Variants in NCAM2 observed in about 807,000 individuals in gnomAD.
The protein encoded by NCAM2 is N-CAM-2.
A neutral mutation model predicts 98.1 loss-of-function variants in NCAM2; 30 were observed. That is an observed-to-expected ratio of 0.31 (90% CI 0.23 to 0.41). The LOEUF (loss-of-function observed/expected upper bound fraction) is 0.41, where lower values mean the gene tolerates loss of function less well. Among genes scored for constraint, NCAM2 ranks in the 10% least tolerant of loss-of-function variants. The pLI, the probability that NCAM2 is intolerant of heterozygous loss-of-function variation, is 1.00. For synonymous variants in NCAM2, 368 were observed against 342.4 expected (o/e 1.07, Z -0.83); for missense variants, 867 against 1,005.8 (o/e 0.86, Z 1.87).
At chr21:21,300,769 T>C (rs943227752) in intron 5 of NCAM2, among the ~76,000 whole-genome samples, 1 of 52,686 alleles carries the variant, frequency 1.9e-5, no homozygotes. Flanking sequence ...GATATTTTAT[T>C]TCATAATTAT....
At chr21:21,423,795 G>A (rs2077160773) in intron 11 of NCAM2, among the ~76,000 whole-genome samples, 1 of 151,736 alleles carries the variant, frequency 6.6e-6, no homozygotes, top group South Asian at 2.1e-4. Flanking sequence ...TTTTTTTCAG[G>A]ATTGATTTAA....
At chr21:21,518,533 C>T (rs2146381428) in intron 16 of NCAM2, among the ~76,000 whole-genome samples, 1 of 151,984 alleles carries the variant, frequency 6.6e-6, no homozygotes, top group Admixed American at 6.6e-5. Flanking sequence ...GTCTTCCTAA[C>T]TAAACAAACA....
At chr21:21,276,484 A>C (rs1018664650) in intron 1 of NCAM2, among the ~76,000 whole-genome samples, 2 of 152,064 alleles carry the variant, frequency 1.3e-5, no homozygotes, top group African/African-American at 4.8e-5. Context: ...TAAGTAAGAA[A>C]TTTGTGATGA....
chr21:21,110,087 A>T (rs1329543684), intron 1 of NCAM2, among the ~76,000 whole-genome samples: 2 of 152,220 alleles, frequency 1.3e-5, no homozygotes, highest in African/African-American at 4.8e-5. Context: ...CAAAGAAGGA[A>T]ACACTAAAAG....
chr21:21,534,614 C>T lies in NCAM2; in HGVS notation c.2360C>T (p.Pro787Leu), dbSNP rs1989884573. The T allele has an allele frequency of 3.1e-6, 5 of 1,610,862 alleles. No individual in the cohort carries two copies. Among genetic ancestry groups the T allele is most frequent in the South Asian group, 1.1e-5 (1 of 90,820 alleles). The change falls in exon 17 of 18, where the codon CCA (proline) becomes CTA (leucine). Residue 787 changes from proline to leucine, a missense_variant. Around this residue, in one of 5 missense-constraint regions of NCAM2, gnomAD observed 125 missense variants for 116.1 expected, o/e 1.08. Transcript: ENST00000400546. ...ERVTNHEDGS[P>L]VNEPNETTPL... The stretch of plus-strand genomic sequence containing the variant: ...GTTACTAATCACGAAGATGGGAGCC[C>T]AGTAAATGAGCCAAATGAAACCACA...
chr21:21,244,576 C>T (rs1441309901), intron 1 of NCAM2, among the ~76,000 whole-genome samples: 2 of 152,004 alleles, frequency 1.3e-5, no homozygotes, highest in East Asian at 1.9e-4. Flanking sequence ...AGGCCGAGTG[C>T]GGTGGCTCAT....
intron 15 of NCAM2, among the ~76,000 whole-genome samples, chr21:21,504,562 G>A (rs1569125181): frequency 6.6e-6 from 1 of 151,780 alleles, no homozygotes; most frequent in East Asian, 1.9e-4. Flanking sequence ...TTTTATTTGT[G>A]AAACGTCCAG....
chr21:21,505,033 A>G (rs1987893512), intron 15 of NCAM2, among the ~76,000 whole-genome samples: 1 of 152,008 alleles, frequency 6.6e-6, no homozygotes, highest in Admixed American at 6.6e-5. Context: ...TTCTATTTTT[A>G]ACACAAACCT....
intron 1 of NCAM2, among the ~76,000 whole-genome samples, chr21:21,140,980 C>G (rs576493284): frequency 6.6e-6 from 1 of 152,170 alleles, no homozygotes; most frequent in Admixed American, 6.5e-5. Flanking sequence ...GTGAAGGACT[C>G]TATATTTTAA....
intron 9 of NCAM2, among the ~76,000 whole-genome samples, chr21:21,402,937 T>C (rs1316803701): frequency 6.6e-6 from 1 of 152,208 alleles, no homozygotes; most frequent in Non-Finnish European, 1.5e-5. Context: ...ATAAGGGTTA[T>C]CTTTTCTCTG....
intron 1 of NCAM2, among the ~76,000 whole-genome samples, chr21:21,058,763 C>T (rs780884170): frequency 6.0e-5 from 9 of 151,096 alleles, no homozygotes; most frequent in East Asian, 1.9e-4. Flanking sequence ...TATGGAAAAA[C>T]GAAGAAAAAG....
intron 1 of NCAM2, among the ~76,000 whole-genome samples, chr21:21,174,106 T>TA (rs779245893): frequency 8.6e-5 from 13 of 151,932 alleles, no homozygotes; most frequent in Non-Finnish European, 1.5e-4. Context: ...TTTTAGTAGA[T>TA]ACGAGGTTTC....
At chr21:21,079,434 G>A (rs1044948958) in intron 1 of NCAM2, among the ~76,000 whole-genome samples, 3 of 152,056 alleles carry the variant, frequency 2.0e-5, no homozygotes, top group South Asian at 4.1e-4. Context: ...TATCTAGGGG[G>A]AAAATAAGAC....
intron 9 of NCAM2, among the ~76,000 whole-genome samples, chr21:21,380,541 T>A (rs1311163248): frequency 3.3e-5 from 5 of 152,026 alleles, no homozygotes; most frequent in African/African-American, 1.2e-4. Flanking sequence ...TTGTGGAAGC[T>A]CCAGAAGGAT....
chr21:21,007,400 G>T, intron 1 of NCAM2, among the ~76,000 whole-genome samples: 1 of 152,120 alleles, frequency 6.6e-6, no homozygotes, highest in Non-Finnish European at 1.5e-5. Flanking sequence ...TAAAGTGAAA[G>T]CAACTTTATT....
intron 1 of NCAM2, among the ~76,000 whole-genome samples, chr21:21,128,363 G>A (rs2066870627): frequency 6.6e-6 from 1 of 152,014 alleles, no homozygotes. Flanking sequence ...GGTTGTACAT[G>A]TCACCTTGAC....
intron 1 of NCAM2, among the ~76,000 whole-genome samples, chr21:21,168,015 C>A (rs981687322): frequency 4.6e-5 from 7 of 152,124 alleles, no homozygotes; most frequent in African/African-American, 1.7e-4. Flanking sequence ...AAAAAAACTA[C>A]AGTCCAACAT....
chr21:21,447,193 T>A (rs1980304072), intron 12 of NCAM2, among the ~76,000 whole-genome samples: 1 of 151,962 alleles, frequency 6.6e-6, no homozygotes, highest in African/African-American at 2.4e-5. Context: ...GTTACTGGTA[T>A]CAATACAGAC....
rs139881284 is a variant in NCAM2 at position 21,200,616 on chromosome 21, A to G, written c.56-79962A>G. Among the ~76,000 whole-genome samples the G allele has an allele frequency of 3.6e-3, 543 of 152,142 alleles. 7 individuals carry two copies. Among genetic ancestry groups the G allele is most frequent in the African/African-American group, 0.012 (518 of 41,444 alleles). On this transcript the variant is annotated intron_variant, in intron 1 of 17. Coordinates refer to ENST00000400546, the MANE Select transcript of NCAM2 (RefSeq NM_004540.5). ...ATCAGATTCATAGAAAATGCAGACT[A>G]TAAACATTTTTTTTTTGCTGGTTAA...
Sources: allele counts gnomAD v4.1 joint callset (sites outside exome capture counted in the v4.1 genomes callset), GRCh38; gene constraint gnomAD v4.1.1; regional missense constraint gnomAD v4.1.1; transcripts MANE v1.5; gene names NCBI Gene and HGNC (gene_info 2026-07-23, HGNC 2026-07-21).